Variants in SEMA3E observed in about 807,000 individuals in gnomAD.
The protein encoded by SEMA3E is semaphorin-3E.
Under a neutral mutation model 93.6 loss-of-function variants are expected in SEMA3E, and 49 were observed. The observed-to-expected ratio is 0.52, with a 90% confidence interval of 0.42 to 0.66. The LOEUF (loss-of-function observed/expected upper bound fraction) is 0.66, where lower values mean the gene tolerates loss of function less well. Among genes scored for constraint, SEMA3E ranks in the 30% least tolerant of loss-of-function variants. The probability of loss-of-function intolerance (pLI) is 0.00; values close to 1 mark genes in which losing one functional copy is unlikely to be tolerated. For missense variants in SEMA3E, 906 were observed against 964.8 expected (o/e 0.94, Z 0.81); for synonymous variants, 363 against 330.7 (o/e 1.10, Z -1.06).
intron 1 of SEMA3E, among the ~76,000 whole-genome samples, chr7:83,504,444 G>A (rs933711677): frequency 6.6e-6 from 1 of 152,146 alleles, no homozygotes. Context: ...CTTATTTGCT[G>A]TTAAATTACG....
At chr7:83,475,269 C>T (rs2115915930) in intron 2 of SEMA3E, among the ~76,000 whole-genome samples, 1 of 152,196 alleles carries the variant, frequency 6.6e-6, no homozygotes, top group South Asian at 2.1e-4. Flanking sequence ...CCCCTAAATA[C>T]TGGCTTCAAA....
intron 1 of SEMA3E, chr7:83,616,469 T>C: frequency 2.5e-5 from 6 of 244,332 alleles, no homozygotes; most frequent in South Asian, 2.5e-4. Flanking sequence ...TAAAAATTGC[T>C]TTAATACATT....
At chr7:83,609,356 A>G (rs919282001) in intron 1 of SEMA3E, among the ~76,000 whole-genome samples, 3 of 151,990 alleles carry the variant, frequency 2.0e-5, no homozygotes, top group Non-Finnish European at 4.4e-5. Context: ...TTAAAAGTAC[A>G]TGTATGTACT....
intron 5 of SEMA3E, among the ~76,000 whole-genome samples, chr7:83,412,962 A>G (rs1371104135): frequency 6.6e-6 from 1 of 152,150 alleles, no homozygotes; most frequent in Non-Finnish European, 1.5e-5. Flanking sequence ...ATCCCCAAGA[A>G]TTTCAGCCCA....
intron 1 of SEMA3E, among the ~76,000 whole-genome samples, chr7:83,636,367 T>A (rs183630568): frequency 1.7e-3 from 260 of 152,244 alleles, no homozygotes; most frequent in African/African-American, 6.1e-3. Context: ...TTTCATTTTC[T>A]GCCATCTCTG....
In SEMA3E at chr7:83,363,859, CATTTTT is replaced by C. The variant is rs1794621449; in HGVS notation, c.*3721_*3726del. The C allele has an allele frequency of 1.7e-4, 17 of 100,562 alleles. No individual in the cohort carries two copies. Among genetic ancestry groups the C allele is most frequent in the African/African-American group, 4.7e-4 (10 of 21,452 alleles). 6.2% of individuals were successfully genotyped at this position (100,562 alleles called of 1,614,324 possible). A position where few individuals can be genotyped will look rare whatever the true frequency, so the allele number is the denominator to read the frequency against. On this transcript the variant is annotated 3_prime_UTR_variant, in exon 17 of 17. Transcript: ENST00000643230. ...AGGCTACAGGTGTCACAGGTCAATT[CATTTTT>C]TTTTTTTTTTTTTTTTTTTTTTTTT...
At chr7:83,395,783 G>C (rs1026106418) in intron 12 of SEMA3E, among the ~76,000 whole-genome samples, 7 of 152,074 alleles carry the variant, frequency 4.6e-5, no homozygotes, top group Non-Finnish European at 7.4e-5. Flanking sequence ...TCTTAGATAA[G>C]CTTCATTCAG....
At chr7:83,498,402 C>T (rs1386715165) in intron 1 of SEMA3E, among the ~76,000 whole-genome samples, 1 of 152,040 alleles carries the variant, frequency 6.6e-6, no homozygotes, top group Non-Finnish European at 1.5e-5. Flanking sequence ...TAACACAAAT[C>T]CGATTTTAGT....
chr7:83,433,030 G>A (rs1042698561), intron 4 of SEMA3E, among the ~76,000 whole-genome samples: 6 of 151,950 alleles, frequency 3.9e-5, no homozygotes, highest in Non-Finnish European at 8.8e-5. Flanking sequence ...CTGAGTGTTT[G>A]GACTTTTGCA....
intron 16 of SEMA3E, among the ~76,000 whole-genome samples, chr7:83,384,541 T>C (rs979241119): frequency 6.6e-6 from 1 of 152,070 alleles, no homozygotes; most frequent in Admixed American, 6.6e-5. Context: ...TTTGTGAAAC[T>C]GAGTTCAAAG....
chr7:83,577,241 C>T (rs1792424652), intron 1 of SEMA3E, among the ~76,000 whole-genome samples: 1 of 152,084 alleles, frequency 6.6e-6, no homozygotes, highest in Non-Finnish European at 1.5e-5. Flanking sequence ...GACAGATCGA[C>T]CAATTGATCT....
At chr7:83,640,942 G>GAAGAGA (rs1793997112) in intron 1 of SEMA3E, among the ~76,000 whole-genome samples, 7 of 151,742 alleles carry the variant, frequency 4.6e-5, no homozygotes. Context: ...AGGAGAGGAA[G>GAAGAGA]AAGAGAAAGA....
chr7:83,390,065 ATATGCGCGTATACGTGTG>A (rs1787979695), intron 14 of SEMA3E, among the ~76,000 whole-genome samples: 1 of 121,424 alleles, frequency 8.2e-6, no homozygotes. Flanking sequence ...GTGTGCACAT[ATATGCGCGTATACGTGTG>A]CACATATATG....
chr7:83,405,383 T>C, intron 9 of SEMA3E, 67 bp downstream of exon 9: 3 of 1,140,956 alleles, frequency 2.6e-6, no homozygotes, highest in South Asian at 2.5e-5. Context: ...ATATACACCA[T>C]GAAGGGAGAG....
chr7:83,403,021 A>T (rs577648012), intron 9 of SEMA3E, among the ~76,000 whole-genome samples: 1 of 152,114 alleles, frequency 6.6e-6, no homozygotes, highest in African/African-American at 2.4e-5. Context: ...TGACAAAAAT[A>T]ATGTTACTTC....
At chr7:83,457,695 A>T (rs1789516283) in intron 4 of SEMA3E, among the ~76,000 whole-genome samples, 1 of 152,132 alleles carries the variant, frequency 6.6e-6, no homozygotes. Flanking sequence ...TGCTTGAATC[A>T]ATCTTAAATA....
intron 1 of SEMA3E, among the ~76,000 whole-genome samples, chr7:83,629,098 C>T (rs182455642): frequency 6.6e-6 from 1 of 152,214 alleles, no homozygotes; most frequent in Admixed American, 6.5e-5. Flanking sequence ...CACTGGAGTT[C>T]CACTCCAGAC....
intron 1 of SEMA3E, among the ~76,000 whole-genome samples, chr7:83,560,544 T>A (rs74881347): frequency 0.043 from 6,522 of 152,156 alleles, 382 homozygotes; most frequent in African/African-American, 0.13. Context: ...TGGATAGATA[T>A]GTTTTGCATC....
chr7:83,430,795 G>A (rs959217993), intron 4 of SEMA3E, among the ~76,000 whole-genome samples: 1 of 152,074 alleles, frequency 6.6e-6, no homozygotes, highest in Non-Finnish European at 1.5e-5. Flanking sequence ...GTATACCTAT[G>A]TAGCAAACCT....
Sources: allele counts gnomAD v4.1 joint callset (sites outside exome capture counted in the v4.1 genomes callset), GRCh38; gene constraint gnomAD v4.1.1; transcripts MANE v1.5; gene names NCBI Gene and HGNC (gene_info 2026-07-23, HGNC 2026-07-21).